The following TBC1D16 variants were observed in gnomAD, a reference collection of about 807,000 sequenced individuals.
TBC1D16 encodes CTD-2529O21.1.
In TBC1D16, 58 loss-of-function variants were observed where a neutral mutation model predicts 74.7. The observed-to-expected ratio is 0.78, with a 90% CI of 0.63 to 0.97. The LOEUF is 0.97. TBC1D16 is among the 50% of genes least tolerant of loss of function. TBC1D16 has a pLI of 0.00. For synonymous variants in TBC1D16, 493 were observed against 474.7 expected, an observed-to-expected ratio of 1.04 and a Z score of -0.50; for missense variants, 1,014 against 1,079.5, an observed-to-expected ratio of 0.94 and a Z score of 0.85.
intron 3 of TBC1D16, among the ~76,000 whole-genome samples, chr17:79,965,065 T>C (rs2033781666): frequency 7.1e-6 from 1 of 141,438 alleles, no homozygotes; most frequent in South Asian, 2.4e-4. Context: ...TCAGAAATAA[T>C]AAGCTAATTT....
chr17:80,011,698 C>T (rs906107808), intron 2 of TBC1D16, among the ~76,000 whole-genome samples: 5 of 151,992 alleles, frequency 3.3e-5, no homozygotes, highest in East Asian at 1.9e-4. Context: ...TGATGGTGGG[C>T]GCCTGTAGTC....
chr17:79,952,934 A>G, intron 3 of TBC1D16, 116 bp from the exon 4 acceptor site: 1 of 1,219,728 alleles, frequency 8.2e-7, no homozygotes, highest in Non-Finnish European at 1.1e-6. Context: ...AAACACACAT[A>G]CAGGCACGGC....
At chr17:80,020,990 C>T (rs1220943611) in intron 1 of TBC1D16, among the ~76,000 whole-genome samples, 4 of 150,074 alleles carry the variant, frequency 2.7e-5, no homozygotes, top group East Asian at 1.9e-4. Context: ...CGGTGGCTCA[C>T]GCCTGTAATC....
At position 79,990,986 on chromosome 17, in the gene TBC1D16, A is replaced by G. The variant is rs2035036236; in HGVS notation, c.779+19174T>C. Among the ~76,000 whole-genome samples, 1 of 152,222 alleles carries G rather than the reference A, an allele frequency of 6.6e-6. No homozygotes were observed. Among genetic ancestry groups the G allele is most frequent in the Non-Finnish European group, 1.5e-5 (1 of 68,044 alleles). ...GTGTGTGAACACACCGCGTTTCTCT[A>G]GTCACCCGTCGGGGGAACTTGGACG... On this transcript the variant is annotated intron_variant, in intron 3 of 11. Transcript: ENST00000310924. The surrounding 1 kb of genome is among the most constrained non-coding windows in gnomAD (Gnocchi z 4.8).
At chr17:79,942,033 TG>T in intron 11 of TBC1D16, 26 bp downstream of exon 11, 2 of 836,858 alleles carry the variant, frequency 2.4e-6, no homozygotes, top group African/African-American at 7.6e-5. Context: ...CGGGGCGGGG[TG>T]GGGCCCACAT....
At position 79,951,446 on chromosome 17, in the gene TBC1D16, C is replaced by T. The variant is rs1177994740; in HGVS notation, c.1089+4G>A. ...GGGCATTCTGGGGCCGTCTGCTGGG[C>T]TACCTGGTCTTTGAGCTGCATCTCG... On this transcript the variant is annotated splice_donor_region_variant and intron_variant, in intron 5 of 11. Coordinates refer to ENST00000310924, the MANE Select transcript of TBC1D16 (RefSeq NM_019020.4). 2 of 1,612,902 alleles carry T rather than the reference C, an allele frequency of 1.2e-6. No homozygotes were observed. Among genetic ancestry groups the T allele is most frequent in the East Asian group, 4.5e-5 (2 of 44,866 alleles).
At chr17:79,946,940 G>A (rs2032592654) in intron 9 of TBC1D16, among the ~76,000 whole-genome samples, 1 of 152,334 alleles carries the variant, frequency 6.6e-6, no homozygotes, top group South Asian at 2.1e-4. Flanking sequence ...CAGCCAGGAG[G>A]GTGAATGTCT....
chr17:79,977,153 C>T (rs1174072248), intron 3 of TBC1D16, among the ~76,000 whole-genome samples: 1 of 152,208 alleles, frequency 6.6e-6, no homozygotes, highest in African/African-American at 2.4e-5. Flanking sequence ...ACGCCTTCCC[C>T]AACGAGGCGA....
At chr17:79,951,702 A>C in intron 4 of TBC1D16, 105 bp from the exon 5 acceptor site, 2 of 1,369,518 alleles carry the variant, frequency 1.5e-6, no homozygotes, top group Admixed American at 2.1e-5. Context: ...CCTCAGAAGC[A>C]GGAAACAGTG....
Position 79,954,980 on chromosome 17 carries a change from C to T in TBC1D16, c.780-2162G>A, listed in dbSNP as rs560971787. ...GGATGGAGGGCCCCCTCCCTGCTGC[C>T]GTGGCCACAGAAGACTGGTCCCCTG... On this transcript the variant is annotated intron_variant, in intron 3 of 11. Coordinates refer to ENST00000310924, the MANE Select transcript of TBC1D16 (RefSeq NM_019020.4). The surrounding 1 kb of genome is among the most constrained non-coding windows in gnomAD (Gnocchi z 5.5). Among the ~76,000 whole-genome samples, 43 of 152,210 alleles carry T rather than the reference C, an allele frequency of 2.8e-4. No homozygotes were observed. The highest frequency in any genetic ancestry group is 8.7e-4 in the African/African-American group (36 of 41,530).
intron 1 of TBC1D16, among the ~76,000 whole-genome samples, chr17:80,029,034 T>C (rs1369079441): frequency 1.3e-5 from 2 of 152,068 alleles, no homozygotes; most frequent in African/African-American, 2.4e-5. Context: ...TCAACAAAAA[T>C]ACACAGGCTC....
intron 3 of TBC1D16, among the ~76,000 whole-genome samples, chr17:79,996,219 C>T (rs2035268196): frequency 6.6e-6 from 1 of 152,172 alleles, no homozygotes; most frequent in African/African-American, 2.4e-5. Flanking sequence ...TTCTGGTTGC[C>T]ACAATAAATC....
chr17:79,963,229 C>A (rs2120454), intron 3 of TBC1D16, among the ~76,000 whole-genome samples: 91,887 of 144,368 alleles, frequency 0.64, 28,924 homozygotes, highest in East Asian at 0.77. Context: ...AAAAAAAAAG[C>A]AAAAAAAAAA....
At chr17:80,023,038 C>T (rs2036339588) in intron 1 of TBC1D16, among the ~76,000 whole-genome samples, 1 of 150,186 alleles carries the variant, frequency 6.7e-6, no homozygotes, top group Admixed American at 6.6e-5. Context: ...CACACCCTCT[C>T]AGCTGCCGCA....
Position 80,008,891 on chromosome 17 carries a change from T to C in TBC1D16, c.779+1269A>G, listed in dbSNP as rs1489655608. On this transcript the variant is annotated intron_variant, in intron 3 of 11. Coordinates refer to ENST00000310924, the MANE Select transcript of TBC1D16 (RefSeq NM_019020.4). The surrounding 1 kb of genome is among the most constrained non-coding windows in gnomAD (Gnocchi z 4.5). ...CAGCAAAGCCTGTGTCCTTACTTCA[T>C]GCCCCACCACTCCCCGGCTTAATCG... Among the ~76,000 whole-genome samples, 1 of 152,214 alleles carries C rather than the reference T, an allele frequency of 6.6e-6. No individual in the cohort carries two copies. The highest frequency in any genetic ancestry group is 1.9e-4 in the East Asian group (1 of 5,194).
rs879866450 is a variant in TBC1D16, at chr17:80,001,777, T to G, written c.779+8383A>C. On this transcript the variant is annotated intron_variant, in intron 3 of 11. Coordinates refer to ENST00000310924, the MANE Select transcript of TBC1D16 (RefSeq NM_019020.4). This position sits in a 1 kb window ranked among gnomAD's most constrained non-coding sequence, Gnocchi z 5.8. ...CCCCTAAGACACGCACGGCCCACCC[T>G]CCCCACTCACCCCTTGCCCCCTTCC... Among the ~76,000 whole-genome samples the G allele has an allele frequency of 1.3e-5, 1 of 79,404 alleles. No individual in the cohort carries two copies. Among genetic ancestry groups the G allele is most frequent in the Non-Finnish European group, 2.6e-5 (1 of 37,776 alleles). The allele number at this position is 79,404 out of a possible 152,430, so 52.1% of individuals were successfully genotyped here.
chr17:79,999,048 G>C (rs1382385775), intron 3 of TBC1D16, among the ~76,000 whole-genome samples: 1 of 152,118 alleles, frequency 6.6e-6, no homozygotes, highest in Non-Finnish European at 1.5e-5. Context: ...CTGAGGTCAG[G>C]AATTTGAGAC....
At chr17:79,949,575 C>T (rs1171214372) in intron 7 of TBC1D16, 142 bp downstream of exon 7, 2 of 1,076,960 alleles carry the variant, frequency 1.9e-6, no homozygotes, top group South Asian at 1.5e-5. Flanking sequence ...CTATCACTCA[C>T]GTTCCTGGGA....
chr17:80,005,480 C>T (rs534685961), intron 3 of TBC1D16, among the ~76,000 whole-genome samples: 1 of 152,320 alleles, frequency 6.6e-6, no homozygotes, highest in Non-Finnish European at 1.5e-5. Context: ...TGGTCACCCT[C>T]CCCAGCACAC....
Sources: allele counts gnomAD v4.1 joint callset (sites outside exome capture counted in the v4.1 genomes callset), GRCh38; gene constraint gnomAD v4.1.1; non-coding constraint Gnocchi (gnomAD v3.1); transcripts MANE v1.5; gene names NCBI Gene and HGNC (gene_info 2026-07-23, HGNC 2026-07-21).